The following CTNND2 variants were observed in gnomAD, a reference collection of about 807,000 sequenced individuals.
CTNND2 encodes the protein catenin delta-2.
Under a neutral mutation model 144.4 loss-of-function variants are expected in CTNND2, and 22 were observed. The ratio of observed to expected loss-of-function variants is 0.15; its 90% CI spans 0.11 to 0.22. CTNND2 has a LOEUF of 0.22. CTNND2 is among the 10% of genes least tolerant of loss of function. The probability of loss-of-function intolerance (pLI) is 1.00; values close to 1 mark genes in which losing one functional copy is unlikely to be tolerated. For synonymous variants in CTNND2, 751 were observed against 695.6 expected (o/e 1.08, Z -1.25); for missense variants, 1,353 against 1,618.8 (o/e 0.84, Z 2.82).
At chr5:11,258,524 G>T (rs542840957) in intron 9 of CTNND2, among the ~76,000 whole-genome samples, 1 of 152,190 alleles carries the variant, frequency 6.6e-6, no homozygotes, top group Non-Finnish European at 1.5e-5. Flanking sequence ...AAAGGCAAGC[G>T]AACCTGGTCA....
chr5:11,687,642 C>T (rs1784716469), intron 2 of CTNND2, among the ~76,000 whole-genome samples: 1 of 152,164 alleles, frequency 6.6e-6, no homozygotes, highest in Non-Finnish European at 1.5e-5. Context: ...TTGGCTCACA[C>T]ACAGATAATA....
At chr5:11,188,039 TGTG>T (rs144618324) in intron 11 of CTNND2, among the ~76,000 whole-genome samples, 2 of 152,190 alleles carry the variant, frequency 1.3e-5, no homozygotes, top group Non-Finnish European at 2.9e-5. Flanking sequence ...TGGAAGAAAA[TGTG>T]GTGATTCCAT....
At position 11,483,931 on chromosome 5, in the gene CTNND2, G is replaced by A. The variant is rs78947732; in HGVS notation, c.288-71862C>T. Among the ~76,000 whole-genome samples, 1,040 of 152,314 alleles carry A rather than the reference G, an allele frequency of 6.8e-3. 14 individuals are homozygous for A. Among genetic ancestry groups the A allele is most frequent in the African/African-American group, 0.024 (996 of 41,560 alleles). On this transcript the variant is annotated intron_variant, in intron 3 of 21. Coordinates refer to ENST00000304623, the MANE Select transcript of CTNND2 (RefSeq NM_001332.4). ...TGGAAAACTGGATTGGGATAGACAA[G>A]TGACTCAGGTGGGAGAAACTGAGAA...
At chr5:11,760,527 C>T (rs1789198073) in intron 1 of CTNND2, among the ~76,000 whole-genome samples, 1 of 152,046 alleles carries the variant, frequency 6.6e-6, no homozygotes, top group Admixed American at 6.6e-5. Context: ...AGATAAGCCA[C>T]TGAAAAATGC....
At position 11,384,805 on chromosome 5, in the gene CTNND2, A is replaced by G. The variant is rs762652434; in HGVS notation, c.1037T>C (p.Ile346Thr). Residue 346 changes from isoleucine to threonine, a missense_variant, in exon 7 of 22, where the codon ATC becomes ACC. Around this residue, in one of 4 missense-constraint regions of CTNND2, gnomAD observed 708 missense variants for 706.4 expected, o/e 1.00. Coordinates refer to ENST00000304623, the MANE Select transcript of CTNND2 (RefSeq NM_001332.4). This position sits in a 1 kb window ranked among gnomAD's most constrained non-coding sequence, Gnocchi z 5.2. ...GCCGATGGTGGAGCTCAGCTGGTGG[A>G]TGGGCGAGGAGGAGATGGTGGACTG... ...TVQSTISSSP[I>T]HQLSSTIGTY... 1.3e-5 allele frequency: 21 copies of G among 1,613,118 alleles called. No individual in the cohort carries two copies. In the South Asian group the frequency reaches 2.3e-4, roughly 18 times the overall value.
rs574266015 is a variant in CTNND2, at chr5:11,344,483, T to G, written c.1628+1889A>C. 1.4e-3 allele frequency among the ~76,000 whole-genome samples: 207 copies of G among 152,320 alleles called. 2 individuals are homozygous for G. The highest frequency in any genetic ancestry group is 3.7e-3 in the Admixed American group (56 of 15,300). ...TTACTACACTTTATGCTCCATACAT[T>G]TTGCATGATGCCAGATAATGAATCC... On this transcript the variant is annotated intron_variant, in intron 9 of 21. Transcript: ENST00000304623.
chr5:11,781,779 C>T (rs758759558), intron 1 of CTNND2, among the ~76,000 whole-genome samples: 1 of 152,184 alleles, frequency 6.6e-6, no homozygotes, highest in Non-Finnish European at 1.5e-5. Flanking sequence ...AAGTGCATCA[C>T]AATTACCCAT....
At chr5:11,439,760 CTATCT>C (rs1764094041) in intron 3 of CTNND2, among the ~76,000 whole-genome samples, 1 of 149,346 alleles carries the variant, frequency 6.7e-6, no homozygotes, top group African/African-American at 2.5e-5. Context: ...ATCTATCTAT[CTATCT>C]ATCTATCTAT....
Position 11,818,004 on chromosome 5 carries a change from T to TTTTTTTTTTTTC in CTNND2, c.38-85733_38-85732insGAAAAAAAAAAA, listed in dbSNP as rs1554126308. On this transcript the variant is annotated intron_variant, in intron 1 of 21. Coordinates refer to ENST00000304623, the MANE Select transcript of CTNND2 (RefSeq NM_001332.4). The stretch of plus-strand genomic sequence containing the variant: ...GTGTTTTTTTTTTTTTTTTTTTTTT[T>TTTTTTTTTTTTC]CAGTTCTCCTCCATCCAATATCAAA... 1.4e-4 allele frequency among the ~76,000 whole-genome samples: 13 copies of TTTTTTTTTTTTC among 93,274 alleles called. 3 individuals are homozygous for TTTTTTTTTTTTC. Among genetic ancestry groups the TTTTTTTTTTTTC allele is most frequent in the East Asian group, 3.7e-4 (1 of 2,686 alleles). 61.2% of individuals were successfully genotyped at this position (93,274 alleles called of 152,430 possible). A position where few individuals can be genotyped will look rare whatever the true frequency, so the allele number is the denominator to read the frequency against.
chr5:11,006,824 G>A (rs569685239), intron 18 of CTNND2, among the ~76,000 whole-genome samples: 8 of 152,284 alleles, frequency 5.3e-5, no homozygotes, highest in African/African-American at 1.2e-4. Flanking sequence ...CTCAAACATC[G>A]TAAGATAGAA....
intron 3 of CTNND2, among the ~76,000 whole-genome samples, chr5:11,456,061 T>C (rs1765706695): frequency 6.6e-6 from 1 of 152,206 alleles, no homozygotes; most frequent in Non-Finnish European, 1.5e-5. Context: ...TTCTACAAAT[T>C]AATATGTGCA....
intron 9 of CTNND2, among the ~76,000 whole-genome samples, chr5:11,242,253 T>C (rs1020343044): frequency 6.6e-6 from 1 of 152,216 alleles, no homozygotes; most frequent in South Asian, 2.1e-4. Context: ...CACACTTTAA[T>C]GTTCTAAACC....
intron 2 of CTNND2, among the ~76,000 whole-genome samples, chr5:11,683,130 G>T (rs1184055854): frequency 6.6e-6 from 1 of 152,132 alleles, no homozygotes; most frequent in Non-Finnish European, 1.5e-5. Flanking sequence ...CACTTCTGGG[G>T]TTTATCCATC....
chr5:11,474,623 T>A (rs1767544989), intron 3 of CTNND2, among the ~76,000 whole-genome samples: 1 of 152,180 alleles, frequency 6.6e-6, no homozygotes, highest in African/African-American at 2.4e-5. Context: ...GGTGTCTCCT[T>A]AGGGATAGCA....
In CTNND2 at chr5:10,972,300, T is replaced by C. The variant is rs1043099937; in HGVS notation, c.*1153A>G. 3.9e-5 allele frequency: 6 copies of C among 152,544 alleles called. No homozygotes were observed. The highest frequency in any genetic ancestry group is 1.4e-4 in the African/African-American group (6 of 41,436). 9.4% of individuals were successfully genotyped at this position (152,544 alleles called of 1,614,324 possible). On this transcript the variant is annotated 3_prime_UTR_variant, in exon 22 of 22. Coordinates refer to ENST00000304623, the MANE Select transcript of CTNND2 (RefSeq NM_001332.4). ...CTGAGTCACTAGATGGTCAGAAGAA[T>C]AGATACAGTACAAAAGGAACAAACT...
At chr5:11,126,189 T>TACTTGGGAGGCTGAGGCAGGAGAATTGC (rs1754654852) in intron 12 of CTNND2, among the ~76,000 whole-genome samples, 1 of 152,100 alleles carries the variant, frequency 6.6e-6, no homozygotes, top group Non-Finnish European at 1.5e-5. Flanking sequence ...CAATCCCAGC[T>TACTTGGGAGGCTGAGGCAGGAGAATTGC]ACTTGGGAGG....
At chr5:11,463,131 G>A (rs1212645397) in intron 3 of CTNND2, among the ~76,000 whole-genome samples, 1 of 152,090 alleles carries the variant, frequency 6.6e-6, no homozygotes, top group Non-Finnish European at 1.5e-5. Flanking sequence ...TATTGCTTCT[G>A]GCTAACTTAG....
intron 8 of CTNND2, among the ~76,000 whole-genome samples, chr5:11,350,446 G>T (rs1317761660): frequency 6.6e-6 from 1 of 151,678 alleles, no homozygotes; most frequent in African/African-American, 2.4e-5. Context: ...ATGAAAAGAG[G>T]CTGGGATATG....
intron 18 of CTNND2, among the ~76,000 whole-genome samples, chr5:11,001,125 G>A (rs986129457): frequency 1.3e-5 from 2 of 152,180 alleles, no homozygotes; most frequent in African/African-American, 4.8e-5. Context: ...CACCCAGCAT[G>A]CACTGCTTAT....
Sources: gnomAD v4.1 joint callset for allele counts (sites outside exome capture counted in the v4.1 genomes callset) on GRCh38, gnomAD v4.1.1 for gene constraint, gnomAD v4.1.1 regional missense constraint, Gnocchi (gnomAD v3.1) non-coding constraint, MANE v1.5 for transcripts, NCBI Gene and HGNC (gene_info 2026-07-23, HGNC 2026-07-21) for gene names.